The following RORA variants were observed in gnomAD, a reference collection of about 807,000 sequenced individuals.
RORA encodes nuclear receptor ROR-alpha.
RORA carries 7 observed loss-of-function variants against 69.5 expected under a neutral mutation model. That is an observed-to-expected ratio of 0.10 (90% CI 0.06 to 0.19). The LOEUF is 0.19. Among genes scored for constraint, RORA ranks in the 10% least tolerant of loss-of-function variants. The pLI, the probability that RORA is intolerant of heterozygous loss-of-function variation, is 1.00. For missense variants in RORA, 457 were observed against 663.0 expected (o/e 0.69, Z 3.41); for synonymous variants, 261 against 240.8 (o/e 1.08, Z -0.78).
chr15:61,107,387 C>A (rs1487971763), intron 1 of RORA, among the ~76,000 whole-genome samples: 1 of 152,156 alleles, frequency 6.6e-6, no homozygotes, highest in Non-Finnish European at 1.5e-5. Context: ...CACTATTCTC[C>A]ATTTCCCAAA....
chr15:60,991,444 C>T (rs1894373653), intron 1 of RORA, among the ~76,000 whole-genome samples: 1 of 151,936 alleles, frequency 6.6e-6, no homozygotes. Flanking sequence ...TTTAGACATG[C>T]AAAAATTAAC....
At chr15:60,799,103 G>C (rs148955524) in intron 1 of RORA, among the ~76,000 whole-genome samples, 367 of 152,182 alleles carry the variant, frequency 2.4e-3, no homozygotes, top group African/African-American at 8.5e-3. Flanking sequence ...CAATACCTCA[G>C]GCCTCCGTGC....
chr15:60,516,943 G>A (rs1018076558), intron 3 of RORA, among the ~76,000 whole-genome samples: 6 of 151,562 alleles, frequency 4.0e-5, no homozygotes, highest in Admixed American at 3.3e-4. Flanking sequence ...ACCATTGAAT[G>A]TTTAAAAAAG....
At chr15:61,207,335 A>C (rs1274307041) in intron 1 of RORA, among the ~76,000 whole-genome samples, 1 of 152,228 alleles carries the variant, frequency 6.6e-6, no homozygotes, top group African/African-American at 2.4e-5. Flanking sequence ...AATGGACCTA[A>C]GAACAGCTGA....
intron 1 of RORA, among the ~76,000 whole-genome samples, chr15:60,689,499 A>C (rs538902740): frequency 1.6e-4 from 24 of 152,230 alleles, no homozygotes; most frequent in Middle Eastern, 3.4e-3. Flanking sequence ...TTTTAGTTTT[A>C]AAAAGGTTGT....
At chr15:60,949,358 A>C (rs1277535571) in intron 1 of RORA, among the ~76,000 whole-genome samples, 1 of 152,196 alleles carries the variant, frequency 6.6e-6, no homozygotes, top group Non-Finnish European at 1.5e-5. Flanking sequence ...CACACAGATA[A>C]AACCTCTCAA....
At chr15:60,560,395 A>G (rs2140419410) in intron 2 of RORA, among the ~76,000 whole-genome samples, 1 of 152,196 alleles carries the variant, frequency 6.6e-6, no homozygotes, top group East Asian at 1.9e-4. Flanking sequence ...TGTTATGCTT[A>G]TGCTGAATAA....
At chr15:60,584,116 G>C (rs2068264926) in intron 2 of RORA, among the ~76,000 whole-genome samples, 1 of 152,218 alleles carries the variant, frequency 6.6e-6, no homozygotes, top group African/African-American at 2.4e-5. Context: ...AGAACAGAGA[G>C]CTTCACAAAG....
chr15:60,914,668 T>C (rs1891818219), intron 1 of RORA, among the ~76,000 whole-genome samples: 1 of 152,164 alleles, frequency 6.6e-6, no homozygotes, highest in African/African-American at 2.4e-5. Context: ...CCGGAATAAA[T>C]TTTCTATTGA....
intron 1 of RORA, among the ~76,000 whole-genome samples, chr15:61,021,957 T>C (rs1278501122): frequency 1.3e-5 from 2 of 152,220 alleles, no homozygotes; most frequent in Non-Finnish European, 2.9e-5. Context: ...GGGCTTCATA[T>C]GGTGCTCTGC....
intron 1 of RORA, among the ~76,000 whole-genome samples, chr15:60,847,496 T>C (rs2073278946): frequency 6.6e-6 from 1 of 152,068 alleles, no homozygotes; most frequent in African/African-American, 2.4e-5. Flanking sequence ...AATGCACTGT[T>C]CATTGCTTTT....
intron 1 of RORA, among the ~76,000 whole-genome samples, chr15:60,762,778 G>A (rs373595120): frequency 9.9e-5 from 15 of 152,140 alleles, no homozygotes; most frequent in African/African-American, 3.4e-4. Flanking sequence ...TTGGTATTTC[G>A]TAAACTGCTG....
intron 1 of RORA, among the ~76,000 whole-genome samples, chr15:61,218,631 T>C (rs912492289): frequency 2.0e-5 from 3 of 151,664 alleles, no homozygotes; most frequent in African/African-American, 7.3e-5. Flanking sequence ...TATCATTTCA[T>C]CATTTTGGTA....
Position 60,489,750 on chromosome 15 carries a change from C to T in RORA, c.*7705G>A, listed in dbSNP as rs1339545121. Reference sequence around the variant, plus strand: ...GTAGGAGGGGAAAGGTTTATTCTGCCATCAAGCCATCTAGGATATTTTATG... The same window carrying T: ...GTAGGAGGGGAAAGGTTTATTCTGCTATCAAGCCATCTAGGATATTTTATG... On this transcript the variant is annotated 3_prime_UTR_variant, in exon 11 of 11. Transcript: ENST00000335670. The T allele has an allele frequency of 6.6e-6, 1 of 152,044 alleles. No homozygotes were observed. Among genetic ancestry groups the T allele is most frequent in the East Asian group, 1.9e-4 (1 of 5,192 alleles). 9.4% of individuals were successfully genotyped at this position (152,044 alleles called of 1,614,324 possible).
chr15:61,038,272 T>C (rs1896563402), intron 1 of RORA, among the ~76,000 whole-genome samples: 1 of 152,320 alleles, frequency 6.6e-6, no homozygotes, highest in Middle Eastern at 3.4e-3. Flanking sequence ...AGACAAAATA[T>C]GAGAGTTTTT....
intron 1 of RORA, among the ~76,000 whole-genome samples, 156 bp downstream of exon 1, chr15:61,228,897 A>AG (rs911469318): frequency 1.3e-5 from 2 of 148,184 alleles, no homozygotes; most frequent in African/African-American, 4.9e-5. Flanking sequence ...TGGGGGGCGG[A>AG]GGGGGGAGGG....
chr15:61,174,114 C>T (rs895576377), intron 1 of RORA, among the ~76,000 whole-genome samples: 1 of 152,224 alleles, frequency 6.6e-6, no homozygotes, highest in Non-Finnish European at 1.5e-5. Flanking sequence ...ACATTACCTA[C>T]TCTCTCAGCT....
intron 1 of RORA, among the ~76,000 whole-genome samples, chr15:60,741,293 C>T (rs1352085725): frequency 6.6e-6 from 1 of 152,196 alleles, no homozygotes; most frequent in Non-Finnish European, 1.5e-5. Context: ...TTCAGGCTTT[C>T]TTTACCTTGC....
At chr15:60,609,693 A>G (rs1315798108) in intron 2 of RORA, among the ~76,000 whole-genome samples, 1 of 152,202 alleles carries the variant, frequency 6.6e-6, no homozygotes, top group Non-Finnish European at 1.5e-5. Flanking sequence ...TGAAATCATG[A>G]TACACGAATC....
Sources: allele counts gnomAD v4.1 joint callset (sites outside exome capture counted in the v4.1 genomes callset), GRCh38; gene constraint gnomAD v4.1.1; transcripts MANE v1.5; gene names NCBI Gene and HGNC (gene_info 2026-07-23, HGNC 2026-07-21).